The following ADD3 variants were observed in gnomAD, a reference collection of about 807,000 sequenced individuals.
The protein encoded by ADD3 is adducin 3, also known as gamma-adducin.
In ADD3, 25 loss-of-function variants were observed where a neutral mutation model predicts 80.2. The observed-to-expected ratio is 0.31, with a 90% CI of 0.23 to 0.44. The LOEUF is 0.44. Among genes scored for constraint, ADD3 ranks in the 20% least tolerant of loss-of-function variants. The probability of loss-of-function intolerance (pLI) is 1.00; values close to 1 mark genes in which losing one functional copy is unlikely to be tolerated. For missense variants in ADD3, 829 were observed against 847.5 expected (o/e 0.98, Z 0.27); for synonymous variants, 284 against 289.6 (o/e 0.98, Z 0.20).
intron 1 of ADD3, among the ~76,000 whole-genome samples, chr10:110,035,783 C>CA (rs1197641870): frequency 7.7e-6 from 1 of 129,586 alleles, no homozygotes; most frequent in Non-Finnish European, 1.5e-5. Flanking sequence ...GTTTGAGACT[C>CA]AGTGTTTTTT....
At chr10:110,118,019 TACACACACACACACACAC>T (rs148105742) in intron 5 of ADD3, among the ~76,000 whole-genome samples, 1,760 of 125,684 alleles carry the variant, frequency 0.014, 33 homozygotes, top group African/African-American at 0.04. Context: ...CTGTCTTCAA[TACACACACACACACACAC>T]ACACACACAC....
At chr10:110,026,355 C>T (rs576347947) in intron 1 of ADD3, among the ~76,000 whole-genome samples, 78 of 149,922 alleles carry the variant, frequency 5.2e-4, no homozygotes, top group Middle Eastern at 3.5e-3. Context: ...GATCTCGGCT[C>T]ACTGCAACCT....
intron 8 of ADD3, 26 bp downstream of exon 8, chr10:110,119,590 A>C: frequency 6.3e-7 from 1 of 1,578,518 alleles, no homozygotes; most frequent in South Asian, 1.1e-5. Context: ...CCCCTTTTTT[A>C]ATTGCTTTGT....
chr10:110,040,554 G>A (rs912949222), intron 1 of ADD3, among the ~76,000 whole-genome samples: 2 of 152,136 alleles, frequency 1.3e-5, no homozygotes, highest in Admixed American at 6.5e-5. Context: ...AGATTATGCC[G>A]TGGAGACATA....
At chr10:110,045,081 G>A (rs1200727991) in intron 1 of ADD3, among the ~76,000 whole-genome samples, 1 of 152,132 alleles carries the variant, frequency 6.6e-6, no homozygotes, top group Admixed American at 6.5e-5. Context: ...CTGGCTGGGC[G>A]TGGTGGCTCA....
At chr10:110,016,599 CAAA>C (rs1391827848) in intron 1 of ADD3, 2 of 152,186 alleles carry the variant, frequency 1.3e-5, no homozygotes, top group African/African-American at 4.8e-5. Flanking sequence ...AATCAGCAAA[CAAA>C]TCATTTGCCT....
chr10:110,012,617 A>G (rs1196669748), intron 1 of ADD3, among the ~76,000 whole-genome samples: 1 of 152,232 alleles, frequency 6.6e-6, no homozygotes, highest in East Asian at 1.9e-4. Flanking sequence ...TATAAAATGG[A>G]TGAAACCTCT....
At position 110,115,832 on chromosome 10, in the gene ADD3, A is replaced by G. The variant is rs181275475; in HGVS notation, c.335-427A>G. On this transcript the variant is annotated intron_variant, in intron 3 of 14. Coordinates refer to ENST00000356080, the MANE Select transcript of ADD3 (RefSeq NM_016824.5). ...AGAAATCATACTACTATTTGCATGCATTATTTTCCATCTCAAATGTTTTTT... is the reference window on the plus strand; with the variant it reads ...AGAAATCATACTACTATTTGCATGCGTTATTTTCCATCTCAAATGTTTTTT... 1.9e-4 allele frequency among the ~76,000 whole-genome samples: 29 copies of G among 152,360 alleles called. No homozygotes were observed. The East Asian group carries it at 5.4e-3, about 28-fold the overall frequency.
At chr10:110,100,897 A>G (rs773371621) in intron 2 of ADD3, 49 bp downstream of exon 2, 5 of 1,504,538 alleles carry the variant, frequency 3.3e-6, no homozygotes, top group South Asian at 1.4e-5. Flanking sequence ...TGGAAATGTT[A>G]GTATAATAAG....
At chr10:110,049,290 G>A (rs1042555825) in intron 1 of ADD3, among the ~76,000 whole-genome samples, 15 of 152,230 alleles carry the variant, frequency 9.9e-5, no homozygotes, top group Admixed American at 1.3e-4. Context: ...TGCTAGAGCA[G>A]TGCAGAATGG....
chr10:110,014,270 A>G (rs1245127905), intron 1 of ADD3, among the ~76,000 whole-genome samples: 1 of 152,206 alleles, frequency 6.6e-6, no homozygotes, highest in Admixed American at 6.5e-5. Flanking sequence ...ATGACAAAAA[A>G]ATTCTAGAAG....
intron 1 of ADD3, among the ~76,000 whole-genome samples, chr10:110,022,743 G>A (rs1853826335): frequency 6.6e-6 from 1 of 152,198 alleles, no homozygotes; most frequent in African/African-American, 2.4e-5. Flanking sequence ...GGAAGTACAG[G>A]TGGGCACAGA....
chr10:110,098,356 C>A (rs2133930629), intron 1 of ADD3, among the ~76,000 whole-genome samples: 1 of 152,196 alleles, frequency 6.6e-6, no homozygotes, highest in Admixed American at 6.5e-5. Flanking sequence ...TTTATAGGTA[C>A]TTATTTTCAA....
At chr10:110,035,585 C>T (rs189859607) in intron 1 of ADD3, among the ~76,000 whole-genome samples, 1 of 152,298 alleles carries the variant, frequency 6.6e-6, no homozygotes, top group African/African-American at 2.4e-5. Flanking sequence ...GACCCTCTCT[C>T]TTTTCTACTA....
At chr10:110,032,365 G>A (rs1855146301) in intron 1 of ADD3, among the ~76,000 whole-genome samples, 1 of 152,154 alleles carries the variant, frequency 6.6e-6, no homozygotes, top group South Asian at 2.1e-4. Context: ...GGTGGATCCT[G>A]CATTCACTCA....
Position 110,116,313 on chromosome 10 carries a change from A to G in ADD3, c.389A>G (p.Tyr130Cys). 1.9e-6 allele frequency: 3 copies of G among 1,614,094 alleles called. No individual in the cohort carries two copies. The highest frequency in any genetic ancestry group is 2.5e-6 in the Non-Finnish European group (3 of 1,179,990). The change falls in exon 4 of 15, where the codon TAT becomes TGT. Residue 130 changes from tyrosine (Y) to cysteine (C), a missense_variant. Coordinates refer to ENST00000356080, the MANE Select transcript of ADD3 (RefSeq NM_016824.5). The stretch of plus-strand genomic sequence containing the variant: ...CTTCCTGGTGCAGATACATCCTCAT[A>G]TGTGAAGGGAGAAAAACTTACTCGC... ...NDLPGADTSS[Y>C]VKGEKLTRCK... is the part of the protein sequence containing the mutation.
At chr10:110,132,204 C>A in intron 13 of ADD3, 101 bp from the exon 14 acceptor site, 1 of 718,096 alleles carries the variant, frequency 1.4e-6, no homozygotes, top group Non-Finnish European at 2.4e-6. Context: ...AATTTATCAT[C>A]TCTTTGTATA....
chr10:110,116,327 A>G lies in ADD3; in HGVS notation c.403A>G (p.Lys135Glu). The G allele has an allele frequency of 6.2e-7, 1 of 1,614,158 alleles. No individual in the cohort carries two copies. The highest frequency in any genetic ancestry group is 8.5e-7 in the Non-Finnish European group (1 of 1,180,020). ...ADTSSYVKGE[K>E]LTRCKLASLY... ...TACATCCTCATATGTGAAGGGAGAA[A>G]AACTTACTCGCTGTAAACTTGCCAG... Residue 135 changes from lysine to glutamate, a missense_variant, in exon 4 of 15, where the codon AAA (lysine) becomes GAA (glutamate). Transcript: ENST00000356080.
At chr10:110,106,735 T>A (rs1590148729) in intron 2 of ADD3, among the ~76,000 whole-genome samples, 4 of 152,114 alleles carry the variant, frequency 2.6e-5, no homozygotes, top group Admixed American at 2.0e-4. Flanking sequence ...TACCATACTT[T>A]TTGGACCTAT....
Sources: gnomAD v4.1 joint callset for allele counts (sites outside exome capture counted in the v4.1 genomes callset) on GRCh38, gnomAD v4.1.1 for gene constraint, MANE v1.5 for transcripts, NCBI Gene and HGNC (gene_info 2026-07-23, HGNC 2026-07-21) for gene names.